The following NTRK3 variants were observed in gnomAD, a reference collection of about 807,000 sequenced individuals.
NTRK3 encodes neurotrophic receptor tyrosine kinase 3.
In NTRK3, 24 loss-of-function variants were observed where a neutral mutation model predicts 91.7. The observed-to-expected ratio is 0.26, with a 90% CI of 0.19 to 0.37. NTRK3 has a LOEUF of 0.37. Among genes scored for constraint, NTRK3 ranks in the 10% least tolerant of loss-of-function variants. The probability of loss-of-function intolerance (pLI) is 1.00; values close to 1 mark genes in which losing one functional copy is unlikely to be tolerated. For missense variants in NTRK3, 880 were observed against 1,068.9 expected, an observed-to-expected ratio of 0.82 and a Z score of 2.46; for synonymous variants, 483 against 404.0, an observed-to-expected ratio of 1.20 and a Z score of -2.34.
rs1050848172 is a variant in NTRK3, at chr15:88,093,065, G to GT, written c.1396+33205dup. Among the ~76,000 whole-genome samples the GT allele has an allele frequency of 1.2e-3, 154 of 126,284 alleles. 1 individual carries two copies. The highest frequency in any genetic ancestry group is 7.3e-3 in the East Asian group (31 of 4,262). The allele number at this position is 126,284 out of a possible 152,430, so 82.8% of individuals were successfully genotyped here. On this transcript the variant is annotated intron_variant, in intron 13 of 18. Transcript: ENST00000394480. ...TTTTTTTGGCTTTGGGGTTTTTTTT[G>GT]TTTTTTTTGTTTTTTTTTTTTTGTT... is the stretch of plus-strand genomic sequence containing the variant.
chr15:88,218,535 G>T (rs2049981245), intron 3 of NTRK3, among the ~76,000 whole-genome samples: 1 of 152,150 alleles, frequency 6.6e-6, no homozygotes, highest in Non-Finnish European at 1.5e-5. Context: ...TAAGGGCTGG[G>T]GCACAGAAGG....
chr15:88,146,437 G>T (rs1401057168), intron 6 of NTRK3, among the ~76,000 whole-genome samples: 1 of 152,192 alleles, frequency 6.6e-6, no homozygotes, highest in Non-Finnish European at 1.5e-5. Flanking sequence ...GGGAACACAT[G>T]AGCGGTGTCT....
At chr15:87,978,750 G>T (rs1272061205) in intron 14 of NTRK3, 1 of 234,082 alleles carries the variant, frequency 4.3e-6, no homozygotes, top group Admixed American at 5.6e-5. Context: ...AAAGTGATTG[G>T]TTTCCATTCT....
intron 14 of NTRK3, among the ~76,000 whole-genome samples, chr15:87,963,356 G>A (rs1193847089): frequency 6.6e-6 from 1 of 152,060 alleles, no homozygotes; most frequent in African/African-American, 2.4e-5. Context: ...AAATAAATCT[G>A]GTATGTCCAC....
At chr15:88,162,398 C>T (rs2044540581) in intron 5 of NTRK3, among the ~76,000 whole-genome samples, 1 of 152,110 alleles carries the variant, frequency 6.6e-6, no homozygotes, top group African/African-American at 2.4e-5. Context: ...AGTAAGGACT[C>T]ACAAAGGAAA....
chr15:87,968,927 T>C (rs1301579277), intron 14 of NTRK3, among the ~76,000 whole-genome samples: 1 of 152,146 alleles, frequency 6.6e-6, no homozygotes. Flanking sequence ...AAAGAACTCA[T>C]TCCCCCCAGC....
intron 14 of NTRK3, among the ~76,000 whole-genome samples, chr15:87,987,881 T>C (rs1844275560): frequency 6.7e-6 from 1 of 150,288 alleles, no homozygotes; most frequent in Admixed American, 6.6e-5. Context: ...TGTCTCAAAA[T>C]AATAATAATA....
chr15:87,907,631 T>A lies in NTRK3; in HGVS notation c.2133+21560A>T, dbSNP rs186119517. ...AGCAGCCTCTGGCCTGTGGAAAGCC[T>A]CTCAAGATGGCAAGCAGAACTTGTG... On this transcript the variant is annotated intron_variant, in intron 17 of 18. Transcript: ENST00000394480. Among the ~76,000 whole-genome samples, 1,373 of 152,218 alleles carry A rather than the reference T, an allele frequency of 9.0e-3. 12 individuals are homozygous for A. The highest frequency in any genetic ancestry group is 0.015 in the Non-Finnish European group (1,009 of 68,020).
intron 14 of NTRK3, among the ~76,000 whole-genome samples, chr15:88,005,102 T>C (rs900346252): frequency 1.3e-5 from 2 of 152,194 alleles, no homozygotes; most frequent in Non-Finnish European, 2.9e-5. Context: ...CTGCATTTGT[T>C]TTCCCTCTAT....
At chr15:88,105,674 A>C (rs903611096) in intron 13 of NTRK3, among the ~76,000 whole-genome samples, 6 of 152,082 alleles carry the variant, frequency 3.9e-5, no homozygotes, top group African/African-American at 1.4e-4. Context: ...TCATCAAAGG[A>C]AAGGTACCTC....
chr15:88,015,409 C>A (rs1004350162), intron 14 of NTRK3, among the ~76,000 whole-genome samples: 14 of 152,186 alleles, frequency 9.2e-5, no homozygotes, highest in Non-Finnish European at 1.6e-4. Context: ...AACCCTGCCC[C>A]CTGTCTGCCT....
At chr15:88,001,785 G>C (rs2141630133) in intron 14 of NTRK3, among the ~76,000 whole-genome samples, 1 of 152,084 alleles carries the variant, frequency 6.6e-6, no homozygotes, top group African/African-American at 2.4e-5. Flanking sequence ...CTCCAAATTT[G>C]TTCTTCTTTT....
chr15:88,202,223 G>A (rs891149601), intron 3 of NTRK3, among the ~76,000 whole-genome samples: 4 of 152,126 alleles, frequency 2.6e-5, no homozygotes, highest in Non-Finnish European at 4.4e-5. Context: ...GGGGAGGCAC[G>A]AGGGGCTTTT....
At chr15:87,954,162 C>T (rs1420073666) in intron 14 of NTRK3, among the ~76,000 whole-genome samples, 3 of 152,118 alleles carry the variant, frequency 2.0e-5, no homozygotes, top group Non-Finnish European at 4.4e-5. Flanking sequence ...GGCCCACGGC[C>T]TGGGTTGCCA....
At chr15:87,984,425 T>C (rs1348513504) in intron 14 of NTRK3, among the ~76,000 whole-genome samples, 1 of 152,260 alleles carries the variant, frequency 6.6e-6, no homozygotes, top group Non-Finnish European at 1.5e-5. Context: ...TTCTGTATCT[T>C]TTCCTTGGGT....
At chr15:88,138,487 T>C (rs1056399375) in intron 6 of NTRK3, among the ~76,000 whole-genome samples, 8 of 152,264 alleles carry the variant, frequency 5.3e-5, no homozygotes, top group African/African-American at 9.6e-5. Flanking sequence ...TTCCATCTCA[T>C]TGAAAATCAA....
chr15:87,892,949 G>A (rs1370472130), intron 17 of NTRK3, among the ~76,000 whole-genome samples: 2 of 152,190 alleles, frequency 1.3e-5, no homozygotes, highest in Admixed American at 6.5e-5. Flanking sequence ...TTCATCAGAT[G>A]TGTTAAAGGA....
chr15:88,117,924 C>A (rs1470562321), intron 13 of NTRK3, among the ~76,000 whole-genome samples: 1 of 152,208 alleles, frequency 6.6e-6, no homozygotes, highest in African/African-American at 2.4e-5. Context: ...CACCTGCTTG[C>A]TGGAAGCACA....
chr15:87,908,815 G>A lies in NTRK3; in HGVS notation c.2133+20376C>T, dbSNP rs183215471. On this transcript the variant is annotated intron_variant, in intron 17 of 18. Coordinates refer to ENST00000394480, the Ensembl canonical transcript of NTRK3. Reference sequence around the variant, plus strand: ...TCCGCCCAGAAACACAAGGCACTCGGGGCTCCACCAGCACATCATGACACC... The same window carrying A: ...TCCGCCCAGAAACACAAGGCACTCGAGGCTCCACCAGCACATCATGACACC... 2.8e-3 allele frequency among the ~76,000 whole-genome samples: 424 copies of A among 152,070 alleles called. 1 individual carries two copies. The highest frequency in any genetic ancestry group is 9.8e-3 in the African/African-American group (407 of 41,490).
Sources: allele counts gnomAD v4.1 joint callset (sites outside exome capture counted in the v4.1 genomes callset), GRCh38; gene constraint gnomAD v4.1.1; transcripts MANE v1.5; gene names NCBI Gene and HGNC (gene_info 2026-07-23, HGNC 2026-07-21).